The following FMN1 variants were observed in gnomAD, a reference collection of about 807,000 sequenced individuals.
FMN1 encodes the protein formin 1.
In FMN1, 110 loss-of-function variants were observed where a neutral mutation model predicts 132.4. The observed-to-expected ratio is 0.83, with a 90% confidence interval of 0.71 to 0.97. The LOEUF (loss-of-function observed/expected upper bound fraction) is 0.97, where lower values mean the gene tolerates loss of function less well. FMN1 is among the 50% of genes least tolerant of loss of function. The pLI is 0.00. For synonymous variants in FMN1, 722 were observed against 651.7 expected (o/e 1.11, Z -1.64); for missense variants, 1,792 against 1,705.3 (o/e 1.05, Z -0.90).
At chr15:32,872,665 G>C (rs1052452249) in intron 16 of FMN1, among the ~76,000 whole-genome samples, 5 of 152,218 alleles carry the variant, frequency 3.3e-5, no homozygotes, top group African/African-American at 1.2e-4. Flanking sequence ...CTTAGGACTA[G>C]TCCCCTTCCA....
At chr15:32,836,153 TC>T (rs1372720972) in intron 17 of FMN1, among the ~76,000 whole-genome samples, 2 of 152,112 alleles carry the variant, frequency 1.3e-5, no homozygotes, top group African/African-American at 4.8e-5. Flanking sequence ...GAGCGACTGC[TC>T]ACAGCTGGGA....
intron 7 of FMN1, among the ~76,000 whole-genome samples, chr15:32,986,233 T>C (rs2033059522): frequency 6.6e-6 from 1 of 152,120 alleles, no homozygotes; most frequent in South Asian, 2.1e-4. Context: ...ATACTTGCAA[T>C]TGAGGACATA....
intron 17 of FMN1, among the ~76,000 whole-genome samples, chr15:32,817,867 T>C (rs142129845): frequency 0.012 from 1,811 of 152,334 alleles, 16 homozygotes; most frequent in Non-Finnish European, 0.019. Context: ...GAAAAATTTG[T>C]ACAAACATTG....
intron 6 of FMN1, chr15:33,012,186 C>T (rs1294721763): frequency 5.2e-6 from 3 of 579,896 alleles, no homozygotes; most frequent in Non-Finnish European, 9.5e-6. Context: ...GAGGGTTGGG[C>T]TTTGAAACCA....
chr15:32,850,267 T>G (rs2058978918), intron 17 of FMN1, among the ~76,000 whole-genome samples: 1 of 151,722 alleles, frequency 6.6e-6, no homozygotes, highest in African/African-American at 2.4e-5. Context: ...GTGATTCAGA[T>G]AGTTTTGTTT....
chr15:33,175,364 C>T (rs1373198180), intron 3 of FMN1, among the ~76,000 whole-genome samples: 1 of 152,134 alleles, frequency 6.6e-6, no homozygotes, highest in Non-Finnish European at 1.5e-5. Context: ...CCACCATGCC[C>T]AACCTGAAGG....
chr15:32,827,976 G>C (rs2058410571), intron 17 of FMN1, among the ~76,000 whole-genome samples: 1 of 151,940 alleles, frequency 6.6e-6, no homozygotes, highest in South Asian at 2.1e-4. Flanking sequence ...TCACACAACT[G>C]AATAATGTAT....
chr15:32,835,359 T>C (rs976072350), intron 17 of FMN1, among the ~76,000 whole-genome samples: 1 of 152,228 alleles, frequency 6.6e-6, no homozygotes, highest in African/African-American at 2.4e-5. Context: ...TCTTCCAAAG[T>C]GAAATATCTT....
rs562546798 is a variant in FMN1 at position 33,026,423 on chromosome 15, C to CACACACACACAA, written c.2162-18349_2162-18348insTTGTGTGTGTGT. On this transcript the variant is annotated intron_variant, in intron 6 of 20. Coordinates refer to ENST00000616417, the MANE Select transcript of FMN1 (RefSeq NM_001277313.2). ...ACGTCCAAATTTTCACACACACACA[C>CACACACACACAA]ACACACACACACACACTTCTGTTTA... 6.3e-3 allele frequency among the ~76,000 whole-genome samples: 961 copies of CACACACACACAA among 151,824 alleles called. 11 individuals carry two copies. Among genetic ancestry groups the CACACACACACAA allele is most frequent in the African/African-American group, 0.021 (890 of 41,418 alleles).
At chr15:33,058,019 G>A (rs2037304377) in intron 6 of FMN1, among the ~76,000 whole-genome samples, 1 of 150,072 alleles carries the variant, frequency 6.7e-6, no homozygotes, top group Non-Finnish European at 1.5e-5. Context: ...GGCGGGGCTG[G>A]TAGTGGAAAG....
chr15:33,014,815 A>C (rs1174296521), intron 6 of FMN1, among the ~76,000 whole-genome samples: 2 of 152,236 alleles, frequency 1.3e-5, no homozygotes, highest in Non-Finnish European at 2.9e-5. Context: ...CAATTTGTGA[A>C]GAGCAGAATT....
At chr15:32,839,710 G>C (rs2058703877) in intron 17 of FMN1, among the ~76,000 whole-genome samples, 1 of 151,354 alleles carries the variant, frequency 6.6e-6, no homozygotes, top group Admixed American at 6.6e-5. Context: ...GTAGGATTGA[G>C]AGAGAAGATT....
intron 6 of FMN1, among the ~76,000 whole-genome samples, chr15:33,023,059 CAAAAAA>C (rs758459713): frequency 1.9e-5 from 1 of 53,214 alleles, no homozygotes. Context: ...CTCCCCCACC[CAAAAAA>C]AAAAAAAAAA....
chr15:32,958,134 C>T (rs766953638), intron 9 of FMN1, among the ~76,000 whole-genome samples: 1 of 152,136 alleles, frequency 6.6e-6, no homozygotes, highest in South Asian at 2.1e-4. Context: ...CATCTTTTTA[C>T]TCAAAGATTT....
chr15:32,776,961 G>GA, intron 19 of FMN1, 42 bp from the exon 20 acceptor site: 1 of 1,193,376 alleles, frequency 8.4e-7, no homozygotes, highest in Non-Finnish European at 1.2e-6. Context: ...AGAGGGAAAA[G>GA]AAAGGAAGAG....
intron 6 of FMN1, among the ~76,000 whole-genome samples, chr15:33,037,495 G>A (rs938114407): frequency 6.6e-6 from 1 of 152,176 alleles, no homozygotes; most frequent in Admixed American, 6.5e-5. Context: ...GTTGGAGCAG[G>A]CTCATATATG....
At chr15:32,794,263 T>C (rs2057199118) in intron 19 of FMN1, among the ~76,000 whole-genome samples, 1 of 152,174 alleles carries the variant, frequency 6.6e-6, no homozygotes. Flanking sequence ...TGTAGTGAAA[T>C]TTCTTATTTT....
chr15:32,928,086 G>A (rs376960830), intron 9 of FMN1, among the ~76,000 whole-genome samples: 36 of 152,168 alleles, frequency 2.4e-4, no homozygotes, highest in African/African-American at 8.7e-4. Context: ...ATCAATTATT[G>A]CCAGATATTT....
chr15:33,123,539 C>T (rs1962765616), intron 4 of FMN1, among the ~76,000 whole-genome samples: 1 of 152,170 alleles, frequency 6.6e-6, no homozygotes, highest in Non-Finnish European at 1.5e-5. Context: ...GGCCTAGAAT[C>T]TATTTCACCC....
Sources: allele counts gnomAD v4.1 joint callset (sites outside exome capture counted in the v4.1 genomes callset), GRCh38; gene constraint gnomAD v4.1.1; transcripts MANE v1.5; gene names NCBI Gene and HGNC (gene_info 2026-07-23, HGNC 2026-07-21).